Variants in FGD4 observed in about 807,000 individuals in gnomAD.
FGD4 encodes the protein FYVE, RhoGEF and PH domain-containing protein 4.
FGD4 carries 42 observed loss-of-function variants against 102.0 expected under a neutral mutation model. The ratio of observed to expected loss-of-function variants is 0.41; its 90% CI spans 0.32 to 0.53. The LOEUF is 0.53. Among genes scored for constraint, FGD4 ranks in the 20% least tolerant of loss-of-function variants. The pLI is 0.21. For missense variants in FGD4, 902 were observed against 1,078.2 expected (o/e 0.84, Z 2.29); for synonymous variants, 380 against 375.7 (o/e 1.01, Z -0.13).
At chr12:32,549,128 A>G (rs1190850398) in intron 1 of FGD4, among the ~76,000 whole-genome samples, 1 of 152,222 alleles carries the variant, frequency 6.6e-6, no homozygotes, top group African/African-American at 2.4e-5. Context: ...GTTTTTTTCT[A>G]TTGCAGAGCT....
At chr12:32,549,201 G>T (rs946560753) in intron 1 of FGD4, among the ~76,000 whole-genome samples, 2 of 152,160 alleles carry the variant, frequency 1.3e-5, no homozygotes. Context: ...TTAAAATTGG[G>T]CAAATAACAG....
At chr12:32,595,031 A>G (rs1319393364) in intron 4 of FGD4, among the ~76,000 whole-genome samples, 17 of 43,422 alleles carry the variant, frequency 3.9e-4, no homozygotes, top group Admixed American at 2.8e-4. Flanking sequence ...ACTCCGTCTA[A>G]AAAAAAAAAA....
rs1036961818 is a variant in FGD4 at position 32,575,038 on chromosome 12, G to A, written c.320-1228G>A. Among the ~76,000 whole-genome samples, 7 of 152,106 alleles carry A rather than the reference G, an allele frequency of 4.6e-5. No homozygotes were observed. In the East Asian group the frequency reaches 9.6e-4, roughly 21 times the overall value. ...ATTTCTTTACTGATTGTGCACTTAC[G>A]GCATATTATTTTATCATCTACAGTG... On this transcript the variant is annotated intron_variant, in intron 2 of 16. Coordinates refer to ENST00000534526, the MANE Select transcript of FGD4 (RefSeq NM_001370298.3).
chr12:32,564,113 C>T (rs1944984818), intron 1 of FGD4, 24 bp from the exon 2 acceptor site: 2 of 1,531,776 alleles, frequency 1.3e-6, no homozygotes, highest in Non-Finnish European at 1.7e-6. Flanking sequence ...TACTTACCTG[C>T]CCTTTCTTTC....
chr12:32,461,304 G>A (rs1386343982), intron 1 of FGD4, among the ~76,000 whole-genome samples: 1 of 152,092 alleles, frequency 6.6e-6, no homozygotes, highest in African/African-American at 2.4e-5. Context: ...CTTTTCAGAT[G>A]AGAGTTTTCA....
chr12:32,606,584 T>C lies in FGD4; in HGVS notation c.1405-1373T>C, dbSNP rs560224208. On this transcript the variant is annotated intron_variant, in intron 7 of 16. Transcript: ENST00000534526. ...TGGGCTCGCTCCCTAGTCTGTCTTT[T>C]TCTTCAGAGCCTGTACTTATCAGAG... Among the ~76,000 whole-genome samples, 3 of 152,274 alleles carry C rather than the reference T, an allele frequency of 2.0e-5. No individual in the cohort carries two copies. The East Asian group carries it at 5.8e-4, about 29-fold the overall frequency.
intron 1 of FGD4, among the ~76,000 whole-genome samples, chr12:32,552,076 G>C (rs1180351950): frequency 6.6e-6 from 1 of 152,200 alleles, no homozygotes; most frequent in Non-Finnish European, 1.5e-5. Flanking sequence ...AAGCACAGCA[G>C]TCTGCGAACC....
intron 1 of FGD4, among the ~76,000 whole-genome samples, chr12:32,485,259 ATTAC>A (rs1224631468): frequency 6.6e-6 from 1 of 152,154 alleles, no homozygotes; most frequent in East Asian, 1.9e-4. Flanking sequence ...TTATATAGAA[ATTAC>A]TTGGGATTGC....
chr12:32,635,117 T>C (rs1950729184), intron 15 of FGD4, among the ~76,000 whole-genome samples: 2 of 152,238 alleles, frequency 1.3e-5, no homozygotes, highest in South Asian at 4.1e-4. Flanking sequence ...GGTTACAAAC[T>C]TCAAGGTCCA....
At chr12:32,508,139 C>T (rs542834898) in intron 1 of FGD4, among the ~76,000 whole-genome samples, 2 of 152,146 alleles carry the variant, frequency 1.3e-5, no homozygotes, top group African/African-American at 2.4e-5. Context: ...CGGCTGTGCA[C>T]GTGAGGTGCA....
chr12:32,502,277 G>A (rs1938281828), intron 1 of FGD4: 1 of 985,282 alleles, frequency 1.0e-6, no homozygotes, highest in Non-Finnish European at 1.2e-6. Context: ...AACAAATGAA[G>A]GGAGTTTTAC....
At chr12:32,489,923 C>CT (rs892580190) in intron 1 of FGD4, among the ~76,000 whole-genome samples, 7 of 152,236 alleles carry the variant, frequency 4.6e-5, no homozygotes, top group African/African-American at 1.4e-4. Context: ...TTTTTCTCCT[C>CT]TAAGGCTTTC....
chr12:32,549,715 G>T (rs1283347946), intron 1 of FGD4, among the ~76,000 whole-genome samples: 7 of 152,202 alleles, frequency 4.6e-5, no homozygotes, highest in Non-Finnish European at 1.0e-4. Flanking sequence ...AGGGACGGCT[G>T]AGGCCAGTGA....
At chr12:32,635,532 T>C (rs1950752796) in intron 15 of FGD4, among the ~76,000 whole-genome samples, 1 of 152,208 alleles carries the variant, frequency 6.6e-6, no homozygotes, top group African/African-American at 2.4e-5. Flanking sequence ...TTGTACCAAC[T>C]AGTATGTTAT....
chr12:32,477,930 C>T (rs1320530338), intron 1 of FGD4, among the ~76,000 whole-genome samples: 15 of 152,200 alleles, frequency 9.9e-5, no homozygotes, highest in Admixed American at 8.5e-4. Context: ...TTTGCTCATT[C>T]ACTCGAGTCA....
intron 11 of FGD4, 30 bp downstream of exon 11, chr12:32,619,900 T>C (rs920019225): frequency 1.9e-6 from 3 of 1,612,934 alleles, no homozygotes; most frequent in Non-Finnish European, 2.5e-6. Context: ...CACACTGCTT[T>C]CCAAAATCAG....
At chr12:32,549,889 T>A (rs1160351537) in intron 1 of FGD4, among the ~76,000 whole-genome samples, 2 of 152,220 alleles carry the variant, frequency 1.3e-5, no homozygotes, top group Non-Finnish European at 1.5e-5. Flanking sequence ...TCCTTGGCCC[T>A]GCCTTCTACA....
At chr12:32,480,542 C>G (rs1943716436) in intron 1 of FGD4, among the ~76,000 whole-genome samples, 1 of 151,618 alleles carries the variant, frequency 6.6e-6, no homozygotes, top group African/African-American at 2.4e-5. Context: ...TACTCTGTCA[C>G]CAGGCTGGAG....
At chr12:32,494,716 T>C (rs1224285503) in intron 1 of FGD4, among the ~76,000 whole-genome samples, 1 of 151,870 alleles carries the variant, frequency 6.6e-6, no homozygotes, top group Non-Finnish European at 1.5e-5. Flanking sequence ...GGAGGAAAGG[T>C]CAAGAAAGAG....
Sources: allele counts gnomAD v4.1 joint callset (sites outside exome capture counted in the v4.1 genomes callset), GRCh38; gene constraint gnomAD v4.1.1; transcripts MANE v1.5; gene names NCBI Gene and HGNC (gene_info 2026-07-23, HGNC 2026-07-21).